The following CAAP1 variants were observed in gnomAD, a reference collection of about 807,000 sequenced individuals.
CAAP1 encodes caspase activity and apoptosis inhibitor 1.
In CAAP1, 20 loss-of-function variants were observed where a neutral mutation model predicts 34.0. The ratio of observed to expected loss-of-function variants is 0.59; its 90% CI spans 0.41 to 0.86. The LOEUF (loss-of-function observed/expected upper bound fraction) is 0.86. Among genes scored for constraint, CAAP1 ranks in the 40% least tolerant of loss-of-function variants. The pLI, the probability that CAAP1 is intolerant of heterozygous loss-of-function variation, is 0.00. For synonymous variants in CAAP1, 213 were observed against 166.7 expected (o/e 1.28, Z -2.14); for missense variants, 538 against 450.5 (o/e 1.19, Z -1.76).
At chr9:26,846,084 T>C (rs183386621) in intron 5 of CAAP1, among the ~76,000 whole-genome samples, 10 of 151,880 alleles carry the variant, frequency 6.6e-5, no homozygotes, top group Admixed American at 5.9e-4. Flanking sequence ...TGTTGTTTGT[T>C]CCACAGCCAA....
At chr9:26,859,329 TAGGA>T (rs774557955) in intron 5 of CAAP1, among the ~76,000 whole-genome samples, 1 of 152,186 alleles carries the variant, frequency 6.6e-6, no homozygotes, top group Non-Finnish European at 1.5e-5. Flanking sequence ...CTGTTGACAC[TAGGA>T]AGGGAGTTCT....
At chr9:26,856,494 A>G (rs1822873097) in intron 5 of CAAP1, among the ~76,000 whole-genome samples, 2 of 152,358 alleles carry the variant, frequency 1.3e-5, no homozygotes, top group East Asian at 3.9e-4. Flanking sequence ...CCTAAGTACA[A>G]ACAATGCACT....
intron 4 of CAAP1, among the ~76,000 whole-genome samples, chr9:26,866,763 A>G (rs2131317070): frequency 6.6e-6 from 1 of 152,294 alleles, no homozygotes; most frequent in Middle Eastern, 3.4e-3. Flanking sequence ...TTTGTAATAA[A>G]CTACCACAGC....
intron 4 of CAAP1, among the ~76,000 whole-genome samples, chr9:26,883,722 G>T (rs901446058): frequency 3.9e-5 from 6 of 152,184 alleles, no homozygotes; most frequent in South Asian, 4.1e-4. Flanking sequence ...ATGGGGCAAA[G>T]AAATTTTTTA....
chr9:26,846,437 A>G (rs1026551666), intron 5 of CAAP1, among the ~76,000 whole-genome samples: 91 of 144,778 alleles, frequency 6.3e-4, no homozygotes, highest in East Asian at 9.9e-4. Context: ...AAAAAAAAAA[A>G]AAGAAGAAGA....
At chr9:26,844,555 T>C (rs549941876) in intron 5 of CAAP1, among the ~76,000 whole-genome samples, 147 of 152,270 alleles carry the variant, frequency 9.7e-4, no homozygotes, top group Non-Finnish European at 1.9e-3. Flanking sequence ...TGCGAGATAA[T>C]GAATGAAGAG....
At chr9:26,850,116 G>A (rs1402929170) in intron 5 of CAAP1, among the ~76,000 whole-genome samples, 2 of 152,104 alleles carry the variant, frequency 1.3e-5, no homozygotes, top group Admixed American at 6.5e-5. Flanking sequence ...GATTACAGGC[G>A]TCAGCCACCA....
At chr9:26,867,945 T>C (rs1823176768) in intron 4 of CAAP1, among the ~76,000 whole-genome samples, 1 of 152,226 alleles carries the variant, frequency 6.6e-6, no homozygotes, top group Non-Finnish European at 1.5e-5. Context: ...AGTATGGTAC[T>C]GCTTTGGAGA....
chr9:26,884,358 T>C (rs187181122), intron 4 of CAAP1, among the ~76,000 whole-genome samples: 3 of 152,312 alleles, frequency 2.0e-5, no homozygotes, highest in South Asian at 4.1e-4. Flanking sequence ...AGGTAAAATA[T>C]GCAGACTTAC....
chr9:26,886,366 AT>A (rs1285454017), intron 2 of CAAP1, among the ~76,000 whole-genome samples, 178 bp from the exon 3 acceptor site: 1 of 152,218 alleles, frequency 6.6e-6, no homozygotes, highest in Non-Finnish European at 1.5e-5. Context: ...GCCAGTTAAT[AT>A]GTGAACACTG....
At chr9:26,886,005 GAAATT>G in intron 3 of CAAP1, 94 bp downstream of exon 3, 1 of 510,088 alleles carries the variant, frequency 2.0e-6, no homozygotes, top group Non-Finnish European at 3.4e-6. Flanking sequence ...ACCCAATAAT[GAAATT>G]AAATATCCAA....
chr9:26,852,009 G>C (rs187346112), intron 5 of CAAP1, among the ~76,000 whole-genome samples: 2 of 152,166 alleles, frequency 1.3e-5, no homozygotes, highest in Admixed American at 6.5e-5. Flanking sequence ...AGAGATACTA[G>C]AGACTTGATT....
chr9:26,843,344 G>T (rs1336332), intron 5 of CAAP1, among the ~76,000 whole-genome samples: 3 of 151,958 alleles, frequency 2.0e-5, no homozygotes, highest in Non-Finnish European at 4.4e-5. Context: ...TATGGTTCTC[G>T]ACCACCTTGT....
At chr9:26,848,660 G>A (rs1052900286) in intron 5 of CAAP1, among the ~76,000 whole-genome samples, 3 of 152,272 alleles carry the variant, frequency 2.0e-5, no homozygotes, top group African/African-American at 7.2e-5. Flanking sequence ...ACTGAGGTTT[G>A]TTATAGATGA....
At chr9:26,889,969 T>C (rs1267067024) in intron 1 of CAAP1, among the ~76,000 whole-genome samples, 1 of 152,090 alleles carries the variant, frequency 6.6e-6, no homozygotes, top group Non-Finnish European at 1.5e-5. Context: ...GCAATGACCT[T>C]TTCTTCACAA....
intron 4 of CAAP1, among the ~76,000 whole-genome samples, chr9:26,866,246 A>G (rs925284113): frequency 6.6e-6 from 1 of 152,248 alleles, no homozygotes; most frequent in Non-Finnish European, 1.5e-5. Flanking sequence ...GTAAATAGGC[A>G]TAAGTATATG....
At chr9:26,871,963 GCTGCTAATCT>G (rs1041273376) in intron 4 of CAAP1, among the ~76,000 whole-genome samples, 4 of 148,410 alleles carry the variant, frequency 2.7e-5, no homozygotes, top group African/African-American at 1.1e-4. Context: ...ATCTAATGCA[GCTGCTAATCT>G]CTGGCTTTCA....
intron 1 of CAAP1, among the ~76,000 whole-genome samples, chr9:26,891,325 G>A (rs1823898935): frequency 6.6e-6 from 1 of 152,092 alleles, no homozygotes; most frequent in Admixed American, 6.6e-5. Flanking sequence ...CACTAGTCTG[G>A]CAATTTTTTT....
intron 5 of CAAP1, among the ~76,000 whole-genome samples, chr9:26,855,313 C>T (rs2131303636): frequency 6.6e-6 from 1 of 152,232 alleles, no homozygotes; most frequent in African/African-American, 2.4e-5. Context: ...CAGTGGTTGT[C>T]AGGAGTTGGG....
Sources: allele counts gnomAD v4.1 joint callset (sites outside exome capture counted in the v4.1 genomes callset), GRCh38; gene constraint gnomAD v4.1.1; transcripts MANE v1.5; gene names NCBI Gene and HGNC (gene_info 2026-07-23, HGNC 2026-07-21).